The following LRRC31 variants were observed in gnomAD, a reference collection of about 807,000 sequenced individuals.
LRRC31 encodes the protein leucine rich repeat containing 31, also known as leucine-rich repeat-containing protein 31.
A neutral mutation model predicts 46.7 loss-of-function variants in LRRC31; 35 were observed. That is an observed-to-expected ratio of 0.75 (90% CI 0.57 to 0.99). The LOEUF (loss-of-function observed/expected upper bound fraction) is 0.99. Among genes scored for constraint, LRRC31 ranks in the 50% least tolerant of loss-of-function variants. LRRC31 has a pLI of 0.00. For synonymous variants in LRRC31, 236 were observed against 235.1 expected, an observed-to-expected ratio of 1.00 and a Z score of -0.03; for missense variants, 613 against 626.1, an observed-to-expected ratio of 0.98 and a Z score of 0.22.
At chr3:169,850,817 T>G (rs1462598542) in intron 7 of LRRC31, among the ~76,000 whole-genome samples, 1 of 152,120 alleles carries the variant, frequency 6.6e-6, no homozygotes, top group Non-Finnish European at 1.5e-5. Flanking sequence ...TGGTGACAAG[T>G]GCAGTGTCAG....
intron 7 of LRRC31, among the ~76,000 whole-genome samples, 183 bp downstream of exon 7, chr3:169,851,435 CT>C (rs1780762868): frequency 6.6e-6 from 1 of 152,054 alleles, no homozygotes; most frequent in African/African-American, 2.4e-5. Flanking sequence ...AAAAAAAACC[CT>C]GCACATACTA....
chr3:169,855,954 C>A (rs868391038), intron 5 of LRRC31, among the ~76,000 whole-genome samples: 1 of 151,968 alleles, frequency 6.6e-6, no homozygotes, highest in Non-Finnish European at 1.5e-5. Context: ...CACATCGGCT[C>A]GCTGCAACCT....
chr3:169,862,195 AC>A, intron 1 of LRRC31, among the ~76,000 whole-genome samples: 1 of 152,326 alleles, frequency 6.6e-6, no homozygotes, highest in Non-Finnish European at 1.5e-5. Flanking sequence ...AAGCAGAGAT[AC>A]TTGCCTCCTC....
At chr3:169,863,854 G>C (rs1176983944) in intron 1 of LRRC31, among the ~76,000 whole-genome samples, 3 of 152,138 alleles carry the variant, frequency 2.0e-5, no homozygotes, top group Non-Finnish European at 4.4e-5. Flanking sequence ...GAGACAGGGA[G>C]GGACTGCCTC....
At chr3:169,858,180 A>G (rs2108219159) in intron 3 of LRRC31, among the ~76,000 whole-genome samples, 1 of 152,302 alleles carries the variant, frequency 6.6e-6, no homozygotes, top group South Asian at 2.1e-4. Context: ...AGTATGGGTG[A>G]TAGGTAAGCC....
At position 169,840,163 on chromosome 3, in the gene LRRC31, G is replaced by C; in HGVS notation, c.1478C>G (p.Ser493Ter). Residue 493 changes from serine to a stop codon, truncating the protein, a stop_gained, in exon 9 of 9, where the codon TCA becomes TGA. Coordinates refer to ENST00000316428, the MANE Select transcript of LRRC31 (RefSeq NM_024727.4). LOFTEE classifies it low-confidence loss of function (END_TRUNC). ...LIELDISLRP[S>*]NFRDCGQWFR... is the part of the protein sequence containing the mutation. ...CCATTGTCCACAATCTCGAAAATTT[G>C]ATGGTCGAAGGCTAATATCCAGCTC... 6.2e-7 allele frequency: 1 copy of C among 1,614,132 alleles called. No homozygotes were observed. Among genetic ancestry groups the C allele is most frequent in the Non-Finnish European group, 8.5e-7 (1 of 1,180,028 alleles).
At chr3:169,861,537 A>C in intron 2 of LRRC31, 133 bp downstream of exon 2, 1 of 846,006 alleles carries the variant, frequency 1.2e-6, no homozygotes, top group Admixed American at 2.6e-5. Context: ...AAAAAAAGCG[A>C]TGCTGTTTCT....
Position 169,851,624 on chromosome 3 carries a change from G to A in LRRC31, c.1154C>T (p.Ala385Val), listed in dbSNP as rs1274806151. ...NCALESETFTALAEASVHLSA... is the reference protein window; with the variant it reads ...NCALESETFTVLAEASVHLSA... Reference sequence around the variant, plus strand: ...GGATCTGGGAAATCTCTTACCAAGAGCTGTAAAAGTCTCACTCTCCAAAGC... The same window carrying A: ...GGATCTGGGAAATCTCTTACCAAGAACTGTAAAAGTCTCACTCTCCAAAGC... The change falls in exon 7 of 9, where the codon GCT becomes GTT. Residue 385 changes from alanine (A) to valine (V), a missense_variant. By Grantham distance (64) the Ala-to-Val change is moderately conservative (BLOSUM62 0). Coordinates refer to ENST00000316428, the MANE Select transcript of LRRC31 (RefSeq NM_024727.4). 2 of 1,613,266 alleles carry A rather than the reference G, an allele frequency of 1.2e-6. No homozygotes were observed. The highest frequency in any genetic ancestry group is 2.7e-5 in the African/African-American group (2 of 74,916).
intron 1 of LRRC31, among the ~76,000 whole-genome samples, chr3:169,867,310 C>T (rs1004055533): frequency 1.5e-5 from 2 of 136,956 alleles, no homozygotes; most frequent in Non-Finnish European, 3.0e-5. Context: ...AGTGCAGTGG[C>T]GCAGTGGTGC....
intron 5 of LRRC31, among the ~76,000 whole-genome samples, chr3:169,855,207 G>T (rs189783155): frequency 6.6e-6 from 1 of 152,152 alleles, no homozygotes; most frequent in East Asian, 1.9e-4. Flanking sequence ...TGGATCACAG[G>T]GTCAGGAGTT....
At chr3:169,861,907 A>C (rs912719278) in intron 1 of LRRC31, 94 bp from the exon 2 acceptor site, 1 of 1,293,910 alleles carries the variant, frequency 7.7e-7, no homozygotes, top group African/African-American at 1.5e-5. Context: ...AGACTGCATA[A>C]CTCTGAATTG....
chr3:169,849,080 TAA>T (rs761997932), intron 7 of LRRC31, among the ~76,000 whole-genome samples: 56 of 152,352 alleles, frequency 3.7e-4, no homozygotes, highest in South Asian at 1.9e-3. Flanking sequence ...TAAAGAAAAG[TAA>T]AAGATTTTCT....
At chr3:169,867,194 G>T (rs1379551623) in intron 1 of LRRC31, among the ~76,000 whole-genome samples, 2 of 150,584 alleles carry the variant, frequency 1.3e-5, no homozygotes, top group Admixed American at 1.3e-4. Flanking sequence ...AGGACCACAG[G>T]CATGCACCAC....
At chr3:169,847,614 C>T (rs528711700) in intron 8 of LRRC31, among the ~76,000 whole-genome samples, 1 of 152,288 alleles carries the variant, frequency 6.6e-6, no homozygotes, top group African/African-American at 2.4e-5. Context: ...TACAGTATGC[C>T]TTTAACCCTC....
At chr3:169,864,349 A>G (rs373014975) in intron 1 of LRRC31, among the ~76,000 whole-genome samples, 3 of 152,368 alleles carry the variant, frequency 2.0e-5, no homozygotes, top group African/African-American at 7.2e-5. Flanking sequence ...TGACAGACGC[A>G]GAAATCTCTT....
chr3:169,850,416 C>T (rs1359711325), intron 7 of LRRC31, among the ~76,000 whole-genome samples: 1 of 152,148 alleles, frequency 6.6e-6, no homozygotes, highest in Non-Finnish European at 1.5e-5. Context: ...GGGGAAAAGT[C>T]CCAGGATACG....
intron 8 of LRRC31, among the ~76,000 whole-genome samples, chr3:169,844,408 T>C (rs1352979113): frequency 1.3e-5 from 2 of 152,214 alleles, no homozygotes; most frequent in Non-Finnish European, 2.9e-5. Flanking sequence ...AAATTCGTTA[T>C]AAGAACTCTT....
At chr3:169,852,683 T>A (rs1412884922) in intron 6 of LRRC31, among the ~76,000 whole-genome samples, 1 of 152,214 alleles carries the variant, frequency 6.6e-6, no homozygotes, top group Non-Finnish European at 1.5e-5. Flanking sequence ...TGGCTACTTC[T>A]CTGGCCTTTG....
chr3:169,850,722 T>C (rs4955677), intron 7 of LRRC31, among the ~76,000 whole-genome samples: 47,467 of 151,994 alleles, frequency 0.31, 7,868 homozygotes, highest in East Asian at 0.62. Context: ...AAGAGTTAAA[T>C]TGGTGAATGC....
Sources: gnomAD v4.1 joint callset for allele counts (sites outside exome capture counted in the v4.1 genomes callset) on GRCh38, gnomAD v4.1.1 for gene constraint, MANE v1.5 for transcripts, NCBI Gene and HGNC (gene_info 2026-07-23, HGNC 2026-07-21) for gene names.